MIA2: variants seen among roughly 807,000 people sequenced by gnomAD.
The protein encoded by MIA2 is MIA SH3 domain ER export factor 2.
A neutral mutation model predicts 167.8 loss-of-function variants in MIA2; 127 were observed. That is an observed-to-expected ratio of 0.76 (90% confidence interval 0.66 to 0.88). The LOEUF (loss-of-function observed/expected upper bound fraction) is 0.88. Among genes scored for constraint, MIA2 ranks in the 40% least tolerant of loss-of-function variants. MIA2 has a pLI of 0.00. For synonymous variants in MIA2, 552 were observed against 541.9 expected, an observed-to-expected ratio of 1.02 and a Z score of -0.26; for missense variants, 1,690 against 1,624.7, an observed-to-expected ratio of 1.04 and a Z score of -0.69.
At chr14:39,373,917 T>TTTGG (rs1285410296) in intron 23 of MIA2, among the ~76,000 whole-genome samples, 1 of 152,156 alleles carries the variant, frequency 6.6e-6, no homozygotes, top group African/African-American at 2.4e-5. Flanking sequence ...ATCACAGCAC[T>TTTGG]TTGGGAGTCC....
intron 25 of MIA2, 32 bp from the exon 26 acceptor site, chr14:39,345,872 T>G (rs1326044882): frequency 1.3e-6 from 2 of 1,576,596 alleles, no homozygotes; most frequent in Non-Finnish European, 1.7e-6. Context: ...ATATTTACAT[T>G]AATGAAGACA....
intron 22 of MIA2, among the ~76,000 whole-genome samples, chr14:39,318,940 G>C (rs1699452982): frequency 6.6e-6 from 1 of 152,132 alleles, no homozygotes; most frequent in Non-Finnish European, 1.5e-5. Context: ...CTGTGATATA[G>C]TACTCATGGT....
Position 39,267,594 on chromosome 14 carries a change from C to T in MIA2, c.1888-9340C>T, listed in dbSNP as rs1369096111. 11 of 1,574,862 alleles carry T rather than the reference C, an allele frequency of 7.0e-6. No individual in the cohort carries two copies. In the Admixed American group the frequency reaches 1.2e-4, roughly 18 times the overall value. The stretch of plus-strand genomic sequence containing the variant: ...GCCGCCGGGGGAAGGAAGCAGTAGA[C>T]CGGCTTTGGGGTCTAAGCCGCCGTG... On this transcript the variant is annotated intron_variant, in intron 6 of 28. Transcript: ENST00000640607.
At chr14:39,334,451 G>C (rs2069796378) in intron 25 of MIA2, among the ~76,000 whole-genome samples, 1 of 151,302 alleles carries the variant, frequency 6.6e-6, no homozygotes, top group Non-Finnish European at 1.5e-5. Flanking sequence ...CTCTAGTCTG[G>C]CAACAGAGAG....
intron 17 of MIA2, among the ~76,000 whole-genome samples, chr14:39,307,306 T>C: frequency 6.6e-6 from 1 of 152,078 alleles, no homozygotes; most frequent in East Asian, 1.9e-4. Flanking sequence ...TAGTGGCGTT[T>C]AGCTCTAAAA....
rs185921532 is a variant in MIA2 at position 39,327,106 on chromosome 14, A to T, written c.3655+84A>T. On this transcript the variant is annotated intron_variant, in intron 25 of 28. Coordinates refer to ENST00000640607, the MANE Select transcript of MIA2 (RefSeq NM_001329214.4). ...CAGGAATGGAAGAAGGGAGGAGTAT[A>T]TGTTTGTTCTCTCTTAAGAAAAATC... 5,757 of 1,068,332 alleles carry T rather than the reference A, an allele frequency of 5.4e-3. 12 individuals are homozygous for T. The highest frequency in any genetic ancestry group is 6.5e-3 in the Non-Finnish European group (5,190 of 792,634). 66.2% of individuals were successfully genotyped at this position (1,068,332 alleles called of 1,614,324 possible).
At chr14:39,290,395 G>C (rs11157055) in intron 9 of MIA2, among the ~76,000 whole-genome samples, 134,316 of 152,102 alleles carry the variant, frequency 0.88, 59,592 homozygotes, top group East Asian at 0.96. Context: ...CCAGAACAAC[G>C]TAGTCTTCAA....
intron 23 of MIA2, chr14:39,386,559 G>T: frequency 8.0e-7 from 1 of 1,249,458 alleles, no homozygotes; most frequent in Non-Finnish European, 1.1e-6. Context: ...TTTTCTTTTG[G>T]TCTCTTTGTT....
At chr14:39,294,501 A>ATT (rs57357871) in intron 12 of MIA2, among the ~76,000 whole-genome samples, 89 of 144,266 alleles carry the variant, frequency 6.2e-4, no homozygotes, top group African/African-American at 1.6e-3. Flanking sequence ...CCCAGCTTGT[A>ATT]TTTTTTTTTT....
At chr14:39,342,822 G>A (rs77210822) in intron 25 of MIA2, among the ~76,000 whole-genome samples, 1,659 of 152,190 alleles carry the variant, frequency 0.011, 35 homozygotes, top group African/African-American at 0.037. Context: ...TGAGTTTAGC[G>A]TGTGTAAACT....
chr14:39,290,031 C>T (rs1002157668), intron 9 of MIA2, among the ~76,000 whole-genome samples: 6 of 152,082 alleles, frequency 3.9e-5, no homozygotes, highest in African/African-American at 7.2e-5. Context: ...ATGCTTTTTC[C>T]GTCTTAAGAT....
chr14:39,234,982 A>G (rs2053664217), intron 1 of MIA2, among the ~76,000 whole-genome samples: 1 of 151,610 alleles, frequency 6.6e-6, no homozygotes, highest in Non-Finnish European at 1.5e-5. Flanking sequence ...TAATAAATAC[A>G]TATTTTTTCT....
chr14:39,253,012 A>C (rs745937593), intron 5 of MIA2, 46 bp downstream of exon 5: 1 of 1,558,924 alleles, frequency 6.4e-7, no homozygotes, highest in Middle Eastern at 1.7e-4. Context: ...TTAAGGAAGA[A>C]ATTAGAATCA....
Position 39,237,971 on chromosome 14 carries a change from C to T in MIA2, c.249+916C>T, listed in dbSNP as rs558130233. Among the ~76,000 whole-genome samples, 3 of 152,086 alleles carry T rather than the reference C, an allele frequency of 2.0e-5. No individual in the cohort carries two copies. The South Asian group carries it at 6.2e-4, about 32-fold the overall frequency. ...GTCAGGCTGGTCTCAAACTCCTGAC[C>T]TCAGGTGATCCACCCGCCTTGGCCT... On this transcript the variant is annotated intron_variant, in intron 2 of 28. Coordinates refer to ENST00000640607, the MANE Select transcript of MIA2 (RefSeq NM_001329214.4).
chr14:39,288,300 A>AG (rs1406088877), intron 9 of MIA2, among the ~76,000 whole-genome samples: 16 of 151,356 alleles, frequency 1.1e-4, no homozygotes, highest in African/African-American at 2.2e-4. Flanking sequence ...ATCTCTCAAA[A>AG]GAAAAAAAAA....
In MIA2 at chr14:39,357,572, T is replaced by C. The variant is rs533350799; in HGVS notation, c.2248+8595T>C. Among the ~76,000 whole-genome samples, 7 of 152,346 alleles carry C rather than the reference T, an allele frequency of 4.6e-5. No homozygotes were observed. In the South Asian group the frequency reaches 8.3e-4, roughly 18 times the overall value. On this transcript the variant is annotated intron_variant, in intron 23 of 23. Transcript: ENST00000341502. ...TTTACATTTAAGGTTAATATTGTTA[T>C]GTGTGAATTTGACCCTGTCATTATG...
intron 25 of MIA2, among the ~76,000 whole-genome samples, chr14:39,343,113 G>A (rs2153059420): frequency 6.6e-6 from 1 of 152,180 alleles, no homozygotes; most frequent in East Asian, 1.9e-4. Context: ...GGAATTCCTA[G>A]GTAATAGGGT....
rs2064705043 is a variant in MIA2 at position 39,313,352 on chromosome 14, A to G, written c.3030A>G (p.Val1010=). 1.9e-6 allele frequency: 3 copies of G among 1,579,584 alleles called. No individual in the cohort carries two copies. The highest frequency in any genetic ancestry group is 1.1e-5 in the South Asian group (1 of 87,342). ...TTTTGTTTTTAAGGAAATTAACAGT[A>G]GAGGAAAATTATCGGTTAGAGAAAG... ...NEMKLHRKLT[V]EENYRLEKEE... Residue 1010 remains valine, a synonymous_variant, in exon 19 of 29, where the codon GTA becomes GTG. Coordinates refer to ENST00000640607, the MANE Select transcript of MIA2 (RefSeq NM_001329214.4).
At chr14:39,277,545 T>C (rs2058181009) in intron 7 of MIA2, among the ~76,000 whole-genome samples, 1 of 149,444 alleles carries the variant, frequency 6.7e-6, no homozygotes, top group Admixed American at 6.7e-5. Context: ...GAGATGAGGG[T>C]CTTGTGTTGC....
Sources: allele counts gnomAD v4.1 joint callset (sites outside exome capture counted in the v4.1 genomes callset), GRCh38; gene constraint gnomAD v4.1.1; transcripts MANE v1.5; gene names NCBI Gene and HGNC (gene_info 2026-07-23, HGNC 2026-07-21).